Variants in NXN observed in about 807,000 individuals in gnomAD.
NXN encodes the protein nucleoredoxin.
In NXN, 16 loss-of-function variants were observed where a neutral mutation model predicts 48.6. The observed-to-expected ratio is 0.33, with a 90% confidence interval of 0.22 to 0.50. The LOEUF is 0.50. Ranked by LOEUF, NXN falls within the 20% of genes least tolerant of loss-of-function variation. The pLI is 0.98. For synonymous variants in NXN, 281 were observed against 269.6 expected, an observed-to-expected ratio of 1.04 and a Z score of -0.41; for missense variants, 492 against 605.5, an observed-to-expected ratio of 0.81 and a Z score of 1.97.
At chr17:923,925 T>C (rs1355164778) in intron 1 of NXN, among the ~76,000 whole-genome samples, 1 of 152,188 alleles carries the variant, frequency 6.6e-6, no homozygotes, top group African/African-American at 2.4e-5. Context: ...GACAGGTATA[T>C]AGTTAAACCC....
At chr17:974,358 T>G (rs1277205160) in intron 1 of NXN, among the ~76,000 whole-genome samples, 5 of 151,588 alleles carry the variant, frequency 3.3e-5, no homozygotes, top group Admixed American at 1.3e-4. Context: ...CTCAAAAAAG[T>G]ATATAGATAT....
At position 911,402 on chromosome 17, in the gene NXN, C is replaced by T. The variant is rs891665475; in HGVS notation, c.360+67917G>A. Among the ~76,000 whole-genome samples the T allele has an allele frequency of 6.5e-5, 9 of 139,416 alleles. No individual in the cohort carries two copies. The East Asian group carries it at 1.1e-3, about 17-fold the overall frequency. The allele number at this position is 139,416 out of a possible 152,430, so 91.5% of individuals were successfully genotyped here. On this transcript the variant is annotated intron_variant, in intron 1 of 7. Transcript: ENST00000336868. ...TCGCCCAGGCTGGAGTGCAGTGGCGCGATCTCGGCTTGCTGCAAGCTCCGC... is the reference window on the plus strand; with the variant it reads ...TCGCCCAGGCTGGAGTGCAGTGGCGTGATCTCGGCTTGCTGCAAGCTCCGC...
intron 5 of NXN, among the ~76,000 whole-genome samples, chr17:806,449 G>C (rs979219812): frequency 6.6e-6 from 1 of 152,004 alleles, no homozygotes; most frequent in Admixed American, 6.6e-5. Flanking sequence ...GGTGCACGTG[G>C]GTTTTCTGTG....
At chr17:925,600 G>A (rs930118948) in intron 1 of NXN, among the ~76,000 whole-genome samples, 4 of 152,170 alleles carry the variant, frequency 2.6e-5, no homozygotes, top group Non-Finnish European at 5.9e-5. Flanking sequence ...TGTTGGCCAG[G>A]CTGGTCTTGA....
At chr17:974,692 AT>A (rs1268784586) in intron 1 of NXN, among the ~76,000 whole-genome samples, 4 of 151,992 alleles carry the variant, frequency 2.6e-5, no homozygotes, top group Non-Finnish European at 5.9e-5. Flanking sequence ...AAGACTCTAT[AT>A]TTTTAGCCAT....
chr17:901,915 G>A (rs907895220), intron 1 of NXN, among the ~76,000 whole-genome samples: 1 of 152,058 alleles, frequency 6.6e-6, no homozygotes, highest in Non-Finnish European at 1.5e-5. Flanking sequence ...GGCCAGGCTG[G>A]TCTCAAACTC....
chr17:809,049 C>T (rs960187696), intron 5 of NXN, among the ~76,000 whole-genome samples: 14 of 148,984 alleles, frequency 9.4e-5, no homozygotes, highest in African/African-American at 2.9e-4. Flanking sequence ...AAACTGGGAG[C>T]TTGCTCTAGT....
At chr17:863,966 G>A in intron 1 of NXN, 1 of 1,534,164 alleles carries the variant, frequency 6.5e-7, no homozygotes, top group Non-Finnish European at 8.7e-7. Flanking sequence ...GGAACTGAGT[G>A]AGGAAACACG....
intron 1 of NXN, among the ~76,000 whole-genome samples, chr17:971,536 C>A (rs2069378340): frequency 6.6e-6 from 1 of 151,554 alleles, no homozygotes; most frequent in East Asian, 2.0e-4. Context: ...CGGTGAAACC[C>A]CGTCTCTACT....
At chr17:826,119 C>A in intron 1 of NXN, 41 bp from the exon 2 acceptor site, 1 of 1,317,782 alleles carries the variant, frequency 7.6e-7, no homozygotes, top group South Asian at 1.2e-5. Context: ...AAGTCCAAAC[C>A]AGATTCATTG....
chr17:889,709 A>AAGAG (rs1429515040), intron 1 of NXN, among the ~76,000 whole-genome samples: 1 of 48,644 alleles, frequency 2.1e-5, no homozygotes, highest in South Asian at 7.2e-4. Context: ...AAAAGAAAGA[A>AAGAG]AGAAAGAAAG....
At chr17:976,347 C>G (rs2069458063) in intron 1 of NXN, among the ~76,000 whole-genome samples, 1 of 151,966 alleles carries the variant, frequency 6.6e-6, no homozygotes, top group African/African-American at 2.4e-5. Flanking sequence ...TTTTCTTTCC[C>G]CACCATAATT....
intron 1 of NXN, among the ~76,000 whole-genome samples, chr17:953,635 TC>T (rs2069136846): frequency 6.6e-6 from 1 of 152,144 alleles, no homozygotes; most frequent in South Asian, 2.1e-4. Flanking sequence ...TACTTATCAC[TC>T]CACAGAGAAT....
chr17:956,072 A>T lies in NXN; in HGVS notation c.360+23247T>A, dbSNP rs1393900995. Reference sequence around the variant, plus strand: ...CCCTGTCCTTTCCAGGGTATCATTCAGTGACTGCATTGTTCAATATTTTGA... The same window carrying T: ...CCCTGTCCTTTCCAGGGTATCATTCTGTGACTGCATTGTTCAATATTTTGA... On this transcript the variant is annotated intron_variant, in intron 1 of 7. Transcript: ENST00000336868. This position sits in a 1 kb window ranked among gnomAD's most constrained non-coding sequence, Gnocchi z 4.1. Among the ~76,000 whole-genome samples the T allele has an allele frequency of 6.6e-6, 1 of 152,156 alleles. No homozygotes were observed. The highest frequency in any genetic ancestry group is 6.5e-5 in the Admixed American group (1 of 15,270).
At chr17:907,912 C>G (rs975758732) in intron 1 of NXN, 2 of 152,004 alleles carry the variant, frequency 1.3e-5, no homozygotes, top group Non-Finnish European at 2.9e-5. Context: ...TTCGGTGGCC[C>G]AGGCTCGCTG....
chr17:812,411 C>T (rs1912116351), intron 5 of NXN, among the ~76,000 whole-genome samples: 1 of 152,204 alleles, frequency 6.6e-6, no homozygotes, highest in African/African-American at 2.4e-5. Context: ...AATCTTTATA[C>T]AAGCTCTTCA....
At chr17:897,938 C>T (rs9897893) in intron 1 of NXN, among the ~76,000 whole-genome samples, 24,050 of 152,116 alleles carry the variant, frequency 0.16, 2,074 homozygotes, top group Middle Eastern at 0.33. Flanking sequence ...ACCTCGGCCT[C>T]CCGAAGTGCT....
chr17:907,751 G>A (rs963567412), intron 1 of NXN: 1 of 137,256 alleles, frequency 7.3e-6, no homozygotes, highest in African/African-American at 2.7e-5. Flanking sequence ...GGATTCTCAA[G>A]TTGACACAGG....
intron 1 of NXN, among the ~76,000 whole-genome samples, chr17:840,675 C>T (rs921696460): frequency 1.5e-4 from 23 of 152,198 alleles, no homozygotes; most frequent in Admixed American, 6.5e-4. Context: ...AGCCTCACTT[C>T]ACCGGCGAGA....
Sources: gnomAD v4.1 joint callset for allele counts (sites outside exome capture counted in the v4.1 genomes callset) on GRCh38, gnomAD v4.1.1 for gene constraint, Gnocchi (gnomAD v3.1) non-coding constraint, MANE v1.5 for transcripts, NCBI Gene and HGNC (gene_info 2026-07-23, HGNC 2026-07-21) for gene names.